Variants in NIN observed in about 807,000 individuals in gnomAD.
NIN encodes glycogen synthase kinase 3 beta-interacting protein.
A neutral mutation model predicts 257.6 loss-of-function variants in NIN; 137 were observed. The ratio of observed to expected loss-of-function variants is 0.53; its 90% confidence interval spans 0.46 to 0.61. NIN has a LOEUF of 0.61. Ranked by LOEUF, NIN falls within the 20% of genes least tolerant of loss-of-function variation. The pLI, the probability that NIN is intolerant of heterozygous loss-of-function variation, is 0.00. For synonymous variants in NIN, 918 were observed against 919.8 expected (o/e 1.00, Z 0.04); for missense variants, 2,439 against 2,501.2 (o/e 0.98, Z 0.53).
upstream of NIN, chr14:50,831,197 C>A (rs1413601598): frequency 2.0e-5 from 3 of 151,356 alleles, no homozygotes; most frequent in Non-Finnish European, 3.0e-5. Flanking sequence ...AGGGCGACGC[C>A]GGCCCCGGCG....
In NIN at chr14:50,770,835, C is replaced by A. The variant is rs539201591; in HGVS notation, c.1259+17G>T. 94 of 1,607,952 alleles carry A rather than the reference C, an allele frequency of 5.8e-5. 1 individual carries two copies. The highest frequency in any genetic ancestry group is 7.8e-5 in the Non-Finnish European group (92 of 1,177,224). On this transcript the variant is annotated intron_variant, in intron 11 of 30. Coordinates refer to ENST00000530997, the MANE Select transcript of NIN (RefSeq NM_020921.4). ...CAGGGTGGTGGGTGAGGAGGAGCCTCACTCTGCTGGCCTCACCTGAGGTTG... is the reference window on the plus strand; with the variant it reads ...CAGGGTGGTGGGTGAGGAGGAGCCTAACTCTGCTGGCCTCACCTGAGGTTG...
Position 50,758,120 on chromosome 14 carries a change from T to C in NIN, c.2910A>G (p.Glu970=). ...CCTGGTCATGTTCCATTTCTAGTCT[T>C]TCCAGCCGCTGGCTGGCCAGCTGCT... ...ASEQLASQRL[E]RLEMEHDQER... is the part of the protein sequence containing the mutation. Residue 970 remains glutamate, a synonymous_variant, in exon 18 of 31, where the codon GAA becomes GAG. Coordinates refer to ENST00000530997, the MANE Select transcript of NIN (RefSeq NM_020921.4). 2 of 1,614,224 alleles carry C rather than the reference T, an allele frequency of 1.2e-6. No individual in the cohort carries two copies. The highest frequency in any genetic ancestry group is 2.7e-5 in the African/African-American group (2 of 75,040).
chr14:50,778,664 A>T, intron 6 of NIN, 101 bp downstream of exon 6: 2 of 991,558 alleles, frequency 2.0e-6, no homozygotes, highest in Non-Finnish European at 3.2e-6. Flanking sequence ...TCTTAATGTT[A>T]ATTCCCCTGG....
chr14:50,729,826 T>C, intron 28 of NIN, 103 bp from the exon 29 acceptor site: 1 of 872,804 alleles, frequency 1.1e-6, no homozygotes, highest in Non-Finnish European at 1.7e-6. Flanking sequence ...AATTCATTAA[T>C]AACCCCAGAC....
In NIN at chr14:50,757,955, T is replaced by G. The variant is rs1207356646; in HGVS notation, c.3075A>C (p.Ala1025=). ...TCTGAAGCATTGAGAGAGGAGATGT[T>G]GCCTGCTGCATTTCCTTTATTTTAC... ...LQSKIKEMQQ[A]TSPLSMLQSG... Residue 1025 remains alanine, a synonymous_variant, in exon 18 of 31, where the codon GCA becomes GCC. Transcript: ENST00000530997. 1 of 1,614,216 alleles carries G rather than the reference T, an allele frequency of 6.2e-7. No homozygotes were observed.
intron 5 of NIN, among the ~76,000 whole-genome samples, chr14:50,784,602 A>C (rs1357362023): frequency 6.6e-6 from 1 of 152,260 alleles, no homozygotes; most frequent in Non-Finnish European, 1.5e-5. Context: ...CCAGCTTTAA[A>C]GAACAAACCC....
In NIN at chr14:50,722,580, C is replaced by A. The variant is rs1489750393; in HGVS notation, c.*883G>T. 1 of 211,938 alleles carries A rather than the reference C, an allele frequency of 4.7e-6. No individual in the cohort carries two copies. The highest frequency in any genetic ancestry group is 9.6e-6 in the Non-Finnish European group (1 of 104,368). The allele number at this position is 211,938 out of a possible 1,614,324, so 13.1% of individuals were successfully genotyped here. On this transcript the variant is annotated 3_prime_UTR_variant, in exon 31 of 31. Coordinates refer to ENST00000530997, the MANE Select transcript of NIN (RefSeq NM_020921.4). ...TTGTTCCCTGAGTTCTTGAGGCAACCTCAAGTAAATTTATGAACTCTAAGA... is the reference window on the plus strand; with the variant it reads ...TTGTTCCCTGAGTTCTTGAGGCAACATCAAGTAAATTTATGAACTCTAAGA...
intron 2 of NIN, among the ~76,000 whole-genome samples, chr14:50,823,928 G>C (rs1244224240): frequency 6.6e-6 from 1 of 152,206 alleles, no homozygotes; most frequent in African/African-American, 2.4e-5. Context: ...TAAGAATTTA[G>C]ACAAGGCCAA....
intron 28 of NIN, among the ~76,000 whole-genome samples, 190 bp from the exon 29 acceptor site, chr14:50,729,913 G>A (rs1264403876): frequency 6.6e-6 from 1 of 152,202 alleles, no homozygotes; most frequent in Non-Finnish European, 1.5e-5. Flanking sequence ...GCTTAGCAGA[G>A]AATATGCTTA....
chr14:50,766,929 A>G, intron 12 of NIN, 39 bp from the exon 13 acceptor site: 1 of 1,355,340 alleles, frequency 7.4e-7, no homozygotes, highest in Non-Finnish European at 1.1e-6. Flanking sequence ...GTACAGATTA[A>G]GAAATTAGCA....
rs1445709518 is a variant in NIN at position 50,721,045 on chromosome 14, TA to T, written c.*2417del. ...CATTTAATGTCTTTAAAAGGTCTTT[TA>T]AAAGCTATAAGTTCTATTATAAATT... is the stretch of plus-strand genomic sequence containing the variant. On this transcript the variant is annotated 3_prime_UTR_variant, in exon 31 of 31. Transcript: ENST00000530997. 1 of 193,108 alleles carries T rather than the reference TA, an allele frequency of 5.2e-6. No individual in the cohort carries two copies. The highest frequency in any genetic ancestry group is 1.1e-5 in the Non-Finnish European group (1 of 92,550). 12.0% of individuals were successfully genotyped at this position (193,108 alleles called of 1,614,324 possible). A position where few individuals can be genotyped will look rare whatever the true frequency, so the allele number is the denominator to read the frequency against.
chr14:50,726,131 C>A, intron 29 of NIN, 65 bp from the exon 30 acceptor site: 1 of 1,225,954 alleles, frequency 8.2e-7, no homozygotes, highest in South Asian at 1.3e-5. Flanking sequence ...TTTATTTTCC[C>A]CACAAGATGC....
At position 50,729,740 on chromosome 14, in the gene NIN, A is replaced by G. The variant is rs545498203; in HGVS notation, c.5878-17T>C. On this transcript the variant is annotated splice_polypyrimidine_tract_variant and intron_variant, in intron 28 of 30. Transcript: ENST00000530997. ...GTGCTGCATCTGAAGGACAAGGGCAAAGCCCTGTTCAGCTGAGTCCCTTCA... is the reference window on the plus strand; with the variant it reads ...GTGCTGCATCTGAAGGACAAGGGCAGAGCCCTGTTCAGCTGAGTCCCTTCA... 5.8e-5 allele frequency: 91 copies of G among 1,576,512 alleles called. 1 individual carries two copies. The Middle Eastern group carries it at 1.3e-3, about 23-fold the overall frequency.
chr14:50,770,740 A>C, intron 11 of NIN, 112 bp downstream of exon 11: 1 of 1,407,950 alleles, frequency 7.1e-7, no homozygotes, highest in Non-Finnish European at 9.5e-7. Flanking sequence ...AGGTGTGGCC[A>C]ACAGGCTGAC....
At chr14:50,813,672 T>C (rs570425305) in intron 3 of NIN, among the ~76,000 whole-genome samples, 2 of 152,382 alleles carry the variant, frequency 1.3e-5, no homozygotes, top group Non-Finnish European at 2.9e-5. Flanking sequence ...AGGAAACTAA[T>C]GTTGCATAAA....
intron 24 of NIN, 131 bp from the exon 25 acceptor site, chr14:50,741,859 G>C (rs2041300325): frequency 1.0e-6 from 1 of 976,410 alleles, no homozygotes; most frequent in Non-Finnish European, 1.5e-6. Context: ...CAGCTTTCTT[G>C]TCAGTAGCTC....
intron 5 of NIN, among the ~76,000 whole-genome samples, chr14:50,787,911 GCTAGGT>G (rs903033313): frequency 6.6e-6 from 1 of 152,128 alleles, no homozygotes; most frequent in African/African-American, 2.4e-5. Flanking sequence ...ATGCTTAGTA[GCTAGGT>G]TATATATTTT....
chr14:50,734,091 T>A (rs982030797), intron 28 of NIN, among the ~76,000 whole-genome samples: 11 of 151,762 alleles, frequency 7.2e-5, no homozygotes, highest in South Asian at 6.2e-4. Context: ...TCTTTATTTT[T>A]TTTTTTTTTT....
At chr14:50,820,030 G>A (rs1359949037) in intron 3 of NIN, among the ~76,000 whole-genome samples, 1 of 152,124 alleles carries the variant, frequency 6.6e-6, no homozygotes, top group Non-Finnish European at 1.5e-5. Flanking sequence ...CATCTGAGGA[G>A]AATAATTTGG....
Sources: gnomAD v4.1 joint callset for allele counts (sites outside exome capture counted in the v4.1 genomes callset) on GRCh38, gnomAD v4.1.1 for gene constraint, MANE v1.5 for transcripts, NCBI Gene and HGNC (gene_info 2026-07-23, HGNC 2026-07-21) for gene names.